The following LINGO2 variants were observed in gnomAD, a reference collection of about 807,000 sequenced individuals.
LINGO2 encodes the protein leucine rich repeat and Ig domain containing 2, also known as leucine-rich repeat and immunoglobulin-like domain-containing nogo receptor-interacting protein 2.
LINGO2 carries 14 observed loss-of-function variants against 30.6 expected under a neutral mutation model. The ratio of observed to expected loss-of-function variants is 0.46; its 90% CI spans 0.30 to 0.72. The LOEUF (loss-of-function observed/expected upper bound fraction) is 0.72. Ranked by LOEUF, LINGO2 falls within the 30% of genes least tolerant of loss-of-function variation. LINGO2 has a pLI of 0.07. For synonymous variants in LINGO2, 317 were observed against 288.5 expected (o/e 1.10, Z -1.00); for missense variants, 729 against 751.7 (o/e 0.97, Z 0.35).
the LINGO2 span, among the ~76,000 whole-genome samples, chr9:28,721,203 T>A: frequency 6.6e-6 from 1 of 152,158 alleles, no homozygotes; most frequent in Non-Finnish European, 1.5e-5. Context: ...GCTTTTACAC[T>A]GTTGGTAGGA....
At chr9:28,937,980 C>T in the LINGO2 span, among the ~76,000 whole-genome samples, 5 of 152,028 alleles carry the variant, frequency 3.3e-5, no homozygotes, top group East Asian at 1.9e-4. Context: ...TGTTGTTCTC[C>T]GCTACATATT....
the LINGO2 span, among the ~76,000 whole-genome samples, chr9:29,089,292 G>A: frequency 6.6e-6 from 1 of 151,554 alleles, no homozygotes; most frequent in Non-Finnish European, 1.5e-5. Flanking sequence ...TTAGGACAGA[G>A]CACAGTAGTT....
At chr9:28,965,576 G>C in the LINGO2 span, among the ~76,000 whole-genome samples, 1 of 151,912 alleles carries the variant, frequency 6.6e-6, no homozygotes, top group Admixed American at 6.6e-5. Context: ...ATTTATAAAT[G>C]CTCATTTAAA....
At chr9:28,104,273 T>G (rs1374522811) in intron 4 of LINGO2, among the ~76,000 whole-genome samples, 35 of 147,196 alleles carry the variant, frequency 2.4e-4, no homozygotes, top group African/African-American at 7.4e-4. Flanking sequence ...TTTGTTTTTT[T>G]TTTTTTTTTT....
chr9:28,272,289 T>C (rs1418160941), intron 4 of LINGO2, among the ~76,000 whole-genome samples: 2 of 152,034 alleles, frequency 1.3e-5, no homozygotes, highest in Non-Finnish European at 2.9e-5. Flanking sequence ...GGGCCTCCCT[T>C]TGCACTTAGC....
chr9:28,771,686 T>A, the LINGO2 span, among the ~76,000 whole-genome samples: 1 of 152,102 alleles, frequency 6.6e-6, no homozygotes, highest in Non-Finnish European at 1.5e-5. Flanking sequence ...TTCAGAATGT[T>A]GTGAAGTTCA....
At chr9:28,061,100 T>C (rs1170381173) in intron 4 of LINGO2, among the ~76,000 whole-genome samples, 1 of 151,526 alleles carries the variant, frequency 6.6e-6, no homozygotes, top group African/African-American at 2.4e-5. Flanking sequence ...GTTATGGTTA[T>C]TTTTCAATTT....
At chr9:28,246,347 C>T (rs531314389) in intron 4 of LINGO2, among the ~76,000 whole-genome samples, 2 of 152,026 alleles carry the variant, frequency 1.3e-5, no homozygotes, top group Middle Eastern at 3.4e-3. Context: ...TCGCTTGAAC[C>T]CAGGGGGAGG....
intron 4 of LINGO2, among the ~76,000 whole-genome samples, chr9:28,163,562 G>A (rs1828345537): frequency 1.3e-5 from 2 of 152,078 alleles, no homozygotes; most frequent in Admixed American, 1.3e-4. Context: ...CATGGCCTAG[G>A]AGTAATGAGT....
intron 4 of LINGO2, among the ~76,000 whole-genome samples, chr9:28,067,239 A>G (rs1026223823): frequency 6.6e-6 from 1 of 152,144 alleles, no homozygotes; most frequent in Non-Finnish European, 1.5e-5. Context: ...ATCTTAATTA[A>G]GAAGACACCC....
chr9:28,565,384 T>A (rs1477553696), intron 1 of LINGO2, among the ~76,000 whole-genome samples: 1 of 151,144 alleles, frequency 6.6e-6, no homozygotes, highest in East Asian at 2.0e-4. Context: ...GAGACGGGGT[T>A]TCACCATGTT....
At chr9:28,837,661 C>CATATATATAT in the LINGO2 span, among the ~76,000 whole-genome samples, 4 of 89,404 alleles carry the variant, frequency 4.5e-5, no homozygotes. Context: ...TATATATATA[C>CATATATATAT]ATATATATAT....
rs77125851 is a variant in LINGO2 at position 27,984,073 on chromosome 9, G to T, written c.-36+28282C>A. On this transcript the variant is annotated intron_variant, in intron 5 of 5. Coordinates refer to ENST00000379992, the Ensembl canonical transcript of LINGO2. ...GAGAAAGGCAGCTTATACTGTGTGG[G>T]GCAGTGGACTGGGAAGAACAAACAG... Among the ~76,000 whole-genome samples the T allele has an allele frequency of 2.7e-3, 411 of 151,968 alleles. 19 individuals carry two copies. In the East Asian group the frequency reaches 0.072, roughly 27 times the overall value.
chr9:28,046,922 C>T (rs1398828090), intron 4 of LINGO2, among the ~76,000 whole-genome samples: 2 of 152,004 alleles, frequency 1.3e-5, no homozygotes, highest in African/African-American at 2.4e-5. Context: ...GTTGTGGAAA[C>T]GCGTTCTGGG....
chr9:28,585,338 G>A (rs1824475751), intron 1 of LINGO2, among the ~76,000 whole-genome samples: 1 of 151,908 alleles, frequency 6.6e-6, no homozygotes, highest in South Asian at 2.1e-4. Context: ...TCCTTAGACT[G>A]AGGGTATGGT....
intron 2 of LINGO2, among the ~76,000 whole-genome samples, chr9:28,413,636 G>C (rs1822857401): frequency 6.6e-6 from 1 of 152,056 alleles, no homozygotes; most frequent in Admixed American, 6.6e-5. Context: ...TGGCTTTCCA[G>C]CTGTGCTCCA....
chr9:28,146,079 G>T (rs540186218), intron 4 of LINGO2, among the ~76,000 whole-genome samples: 1 of 152,166 alleles, frequency 6.6e-6, no homozygotes, highest in East Asian at 1.9e-4. Context: ...AATCTCAAGA[G>T]AAAGTATTTT....
At chr9:28,883,570 C>T in the LINGO2 span, among the ~76,000 whole-genome samples, 96 of 141,838 alleles carry the variant, frequency 6.8e-4, 2 homozygotes, top group East Asian at 0.014. Flanking sequence ...CTGACATTTC[C>T]CTTCAGTGTA....
Position 28,663,089 on chromosome 9 carries a change from A to T in LINGO2, c.-365+7111T>A, listed in dbSNP as rs911687745. 1.9e-4 allele frequency among the ~76,000 whole-genome samples: 29 copies of T among 152,170 alleles called. 1 individual carries two copies. The highest frequency in any genetic ancestry group is 7.0e-4 in the African/African-American group (29 of 41,536). On this transcript the variant is annotated intron_variant, in intron 1 of 5. Coordinates refer to ENST00000379992, the Ensembl canonical transcript of LINGO2. ...GAATTATAACTGTCAGACCAAAAAA[A>T]GTCATCTAAATTCATTTCAAGCTTC...
Sources: gnomAD v4.1 joint callset for allele counts (sites outside exome capture counted in the v4.1 genomes callset) on GRCh38, gnomAD v4.1.1 for gene constraint, MANE v1.5 for transcripts, NCBI Gene and HGNC (gene_info 2026-07-23, HGNC 2026-07-21) for gene names.